Variants in SPIDR observed in about 807,000 individuals in gnomAD.
The protein encoded by SPIDR is scaffold protein involved in DNA repair.
A neutral mutation model predicts 104.6 loss-of-function variants in SPIDR; 93 were observed. The observed-to-expected ratio is 0.89, with a 90% CI of 0.75 to 1.06. The LOEUF is 1.06. Ranked by LOEUF, SPIDR falls within the 50% of genes least tolerant of loss-of-function variation. The probability of loss-of-function intolerance (pLI) is 0.00; values close to 1 mark genes in which losing one functional copy is unlikely to be tolerated. For missense variants in SPIDR, 1,154 were observed against 1,111.2 expected (o/e 1.04, Z -0.55); for synonymous variants, 431 against 416.9 (o/e 1.03, Z -0.41).
At chr8:47,693,433 G>A (rs1274747780) in intron 11 of SPIDR, among the ~76,000 whole-genome samples, 1 of 152,232 alleles carries the variant, frequency 6.6e-6, no homozygotes, top group Non-Finnish European at 1.5e-5. Context: ...CTTGTGATAT[G>A]TGACAGGTGC....
intron 5 of SPIDR, among the ~76,000 whole-genome samples, chr8:47,312,362 C>T (rs1210330830): frequency 2.0e-5 from 3 of 152,252 alleles, no homozygotes; most frequent in South Asian, 2.1e-4. Flanking sequence ...CCTGTTTCTC[C>T]ACATCCTCTC....
chr8:47,519,952 CAG>C (rs2083788588), intron 8 of SPIDR, among the ~76,000 whole-genome samples: 1 of 152,110 alleles, frequency 6.6e-6, no homozygotes, highest in African/African-American at 2.4e-5. Flanking sequence ...TAGAGTGTGA[CAG>C]ATTTTAAAAT....
In SPIDR at chr8:47,280,021, A is replaced by G. The variant is rs1390161636; in HGVS notation, c.189+4A>G. 1.9e-6 allele frequency: 3 copies of G among 1,612,738 alleles called. No homozygotes were observed. Among genetic ancestry groups the G allele is most frequent in the Non-Finnish European group, 2.5e-6 (3 of 1,179,488 alleles). On this transcript the variant is annotated splice_donor_region_variant and intron_variant, in intron 2 of 19. Transcript: ENST00000297423. Reference sequence around the variant, plus strand: ...TCAGAACACTTCTGGGAATCCGGTAAAGTATCTGTAGAATTGTTTTCCCTG... The same window carrying G: ...TCAGAACACTTCTGGGAATCCGGTAGAGTATCTGTAGAATTGTTTTCCCTG...
intron 8 of SPIDR, among the ~76,000 whole-genome samples, chr8:47,460,135 A>G (rs1480702894): frequency 6.6e-6 from 1 of 152,178 alleles, no homozygotes; most frequent in African/African-American, 2.4e-5. Flanking sequence ...AATATTTTGT[A>G]AATATGTTAA....
intron 8 of SPIDR, among the ~76,000 whole-genome samples, chr8:47,567,439 G>A (rs1326245788): frequency 1.3e-5 from 2 of 151,766 alleles, no homozygotes; most frequent in Non-Finnish European, 2.9e-5. Flanking sequence ...GGCAGGTCTC[G>A]AACTCCCGAC....
intron 10 of SPIDR, among the ~76,000 whole-genome samples, chr8:47,635,347 T>A (rs1335242850): frequency 6.6e-6 from 1 of 151,552 alleles, no homozygotes; most frequent in Non-Finnish European, 1.5e-5. Flanking sequence ...CTCAAAAAAA[T>A]AAAATAAAAT....
intron 1 of SPIDR, among the ~76,000 whole-genome samples, chr8:47,274,245 A>G (rs1226209113): frequency 2.0e-5 from 3 of 152,052 alleles, no homozygotes; most frequent in Admixed American, 6.6e-5. Context: ...TGATTTTACA[A>G]TTTTTTCTTC....
intron 8 of SPIDR, among the ~76,000 whole-genome samples, chr8:47,583,405 A>G (rs937607570): frequency 6.6e-6 from 1 of 152,152 alleles, no homozygotes; most frequent in Admixed American, 6.5e-5. Context: ...AGATTTAACA[A>G]CTTAGGTTTT....
chr8:47,409,440 T>A (rs11781727), intron 7 of SPIDR, among the ~76,000 whole-genome samples: 1 of 151,816 alleles, frequency 6.6e-6, no homozygotes, highest in Non-Finnish European at 1.5e-5. Context: ...TGGTAGTTTT[T>A]TCCTGTGTGT....
At chr8:47,717,332 A>C (rs922643229) in intron 16 of SPIDR, among the ~76,000 whole-genome samples, 2 of 152,090 alleles carry the variant, frequency 1.3e-5, no homozygotes, top group Admixed American at 6.5e-5. Flanking sequence ...AGAACATCCC[A>C]CAGTGAAGGT....
At chr8:47,547,741 T>C in intron 8 of SPIDR, 1 of 168,960 alleles carries the variant, frequency 5.9e-6, no homozygotes, top group South Asian at 1.5e-4. Flanking sequence ...ACAAATCTTC[T>C]TTATTTCACC....
chr8:47,412,189 A>C (rs1458813034), intron 7 of SPIDR, among the ~76,000 whole-genome samples: 3 of 152,276 alleles, frequency 2.0e-5, no homozygotes, highest in East Asian at 3.9e-4. Flanking sequence ...CAGTTCTGTG[A>C]AGAAAGTCAT....
At chr8:47,673,310 G>C (rs1016373616) in intron 10 of SPIDR, 1 of 425,722 alleles carries the variant, frequency 2.3e-6, no homozygotes, top group Non-Finnish European at 4.7e-6. Context: ...GTGTCTAAAC[G>C]TGTACTGTCG....
intron 11 of SPIDR, chr8:47,697,800 AGT>A (rs1260350449): frequency 2.0e-5 from 3 of 152,492 alleles, no homozygotes; most frequent in Admixed American, 6.5e-5. Context: ...ACTGTGACTG[AGT>A]GTGATGGGAA....
chr8:47,434,927 G>T lies in SPIDR; in HGVS notation c.878-5396G>T, dbSNP rs533058948. ...AACTCAGTAGTCACAGACATATTTT[G>T]TTATTCTATCATTTGCTCAATTTAT... On this transcript the variant is annotated intron_variant, in intron 7 of 19. Transcript: ENST00000297423. 3.9e-5 allele frequency among the ~76,000 whole-genome samples: 6 copies of T among 152,202 alleles called. No homozygotes were observed. The East Asian group carries it at 1.2e-3, about 29-fold the overall frequency.
intron 11 of SPIDR, among the ~76,000 whole-genome samples, chr8:47,698,320 C>T (rs1183446607): frequency 6.6e-6 from 1 of 152,136 alleles, no homozygotes; most frequent in Non-Finnish European, 1.5e-5. Flanking sequence ...GTGAGAGGAA[C>T]AATACACTTT....
intron 8 of SPIDR, among the ~76,000 whole-genome samples, chr8:47,503,937 T>G (rs917591101): frequency 1.3e-4 from 20 of 152,350 alleles, no homozygotes; most frequent in Admixed American, 4.6e-4. Flanking sequence ...GAAAATTCTT[T>G]TCTTTAAGAA....
intron 5 of SPIDR, among the ~76,000 whole-genome samples, chr8:47,365,497 G>C (rs1344624787): frequency 1.3e-5 from 2 of 152,274 alleles, no homozygotes; most frequent in Non-Finnish European, 1.5e-5. Context: ...GTGCAGCCTT[G>C]CATTGCATGG....
intron 10 of SPIDR, among the ~76,000 whole-genome samples, chr8:47,661,574 G>T (rs980529246): frequency 3.9e-5 from 6 of 152,192 alleles, no homozygotes; most frequent in African/African-American, 1.4e-4. Flanking sequence ...TCTTGAGCCC[G>T]CCGTGGCCTG....
Sources: gnomAD v4.1 joint callset for allele counts (sites outside exome capture counted in the v4.1 genomes callset) on GRCh38, gnomAD v4.1.1 for gene constraint, MANE v1.5 for transcripts, NCBI Gene and HGNC (gene_info 2026-07-23, HGNC 2026-07-21) for gene names.